KCNA3: variants seen among roughly 807,000 people sequenced by gnomAD.
KCNA3 encodes potassium voltage-gated channel subfamily A member 3.
Under a neutral mutation model 34.3 loss-of-function variants are expected in KCNA3, and 18 were observed. The observed-to-expected ratio is 0.52, with a 90% CI of 0.36 to 0.78. The LOEUF (loss-of-function observed/expected upper bound fraction) is 0.78. Ranked by LOEUF, KCNA3 falls within the 30% of genes least tolerant of loss-of-function variation. The probability of loss-of-function intolerance (pLI) is 0.00; values close to 1 mark genes in which losing one functional copy is unlikely to be tolerated. For synonymous variants in KCNA3, 324 were observed against 351.7 expected, an observed-to-expected ratio of 0.92 and a Z score of 0.88; for missense variants, 587 against 802.5, an observed-to-expected ratio of 0.73 and a Z score of 3.24.
chr1:110,659,747 A>G, the KCNA3 span, among the ~76,000 whole-genome samples: 1 of 152,192 alleles, frequency 6.6e-6, no homozygotes, highest in Non-Finnish European at 1.5e-5. Context: ...ATGGAATACT[A>G]TGCAGCCATA....
chr1:110,656,240 G>A, the KCNA3 span: 1 of 151,994 alleles, frequency 6.6e-6, no homozygotes, highest in Admixed American at 6.6e-5. Flanking sequence ...TTCTGTTTAG[G>A]TAATTCACTC....
chr1:110,674,130 G>T lies in KCNA3; in HGVS notation c.680C>A (p.Pro227His). ...QRQVWLLFEY[P>H]ESSGPARGIA... ...GCCCCGGGCCGGCCCGGAGCTCTCG[G>T]GGTACTCGAAGAGCAGCCACACCTG... Residue 227 changes from proline (P) to histidine (H), a missense_variant, in exon 1 of 1, where the codon CCC becomes CAC. Around this residue, in one of 7 missense-constraint regions of KCNA3, gnomAD observed 341 missense variants for 355.4 expected, o/e 0.96. Transcript: ENST00000369769. This position sits in a 1 kb window ranked among gnomAD's most constrained non-coding sequence, Gnocchi z 6.4. The T allele has an allele frequency of 6.2e-7, 1 of 1,612,560 alleles. No individual in the cohort carries two copies. Among genetic ancestry groups the T allele is most frequent in the Non-Finnish European group, 8.5e-7 (1 of 1,179,318 alleles).
At chr1:110,665,862 G>T in the KCNA3 span, among the ~76,000 whole-genome samples, 3 of 152,108 alleles carry the variant, frequency 2.0e-5, no homozygotes, top group Non-Finnish European at 4.4e-5. Flanking sequence ...TGAGAACTGA[G>T]AAATGACCAC....
At chr1:110,657,452 T>C in the KCNA3 span, among the ~76,000 whole-genome samples, 1 of 152,156 alleles carries the variant, frequency 6.6e-6, no homozygotes. Context: ...AATTCAAGCC[T>C]GCAAACTGAA....
the KCNA3 span, among the ~76,000 whole-genome samples, chr1:110,663,537 C>A: frequency 6.6e-6 from 1 of 152,268 alleles, no homozygotes; most frequent in African/African-American, 2.4e-5. Flanking sequence ...GGAGAAAATT[C>A]AAAAGGGGTG....
chr1:110,670,293 G>C (rs1274058349), downstream of KCNA3, among the ~76,000 whole-genome samples: 5 of 152,134 alleles, frequency 3.3e-5, no homozygotes. Context: ...ATATCCTTTA[G>C]GGAACTTACA....
At chr1:110,654,926 T>A in the KCNA3 span, 1 of 152,000 alleles carries the variant, frequency 6.6e-6, no homozygotes. Context: ...CATATAAAGA[T>A]TTTCAATGCT....
the KCNA3 span, chr1:110,654,862 A>C: frequency 6.6e-6 from 1 of 152,274 alleles, no homozygotes; most frequent in East Asian, 1.9e-4. Flanking sequence ...TAGTCATTTG[A>C]TCTTTCTAAA....
chr1:110,661,846 G>A, the KCNA3 span, among the ~76,000 whole-genome samples: 147 of 152,142 alleles, frequency 9.7e-4, no homozygotes, highest in African/African-American at 3.1e-3. Flanking sequence ...GGTGGCTCAC[G>A]CCTATAATCC....
At chr1:110,671,073 G>C (rs1399039562), downstream of KCNA3, among the ~76,000 whole-genome samples, 2 of 152,076 alleles carry the variant, frequency 1.3e-5, no homozygotes, top group African/African-American at 2.4e-5. Flanking sequence ...TCAAAGAACT[G>C]TACCACTGCA....
rs1403955958 is a variant in KCNA3 at position 110,674,927 on chromosome 1, C to T, written c.-118G>A. 2 of 1,233,256 alleles carry T rather than the reference C, an allele frequency of 1.6e-6. No homozygotes were observed. Among genetic ancestry groups the T allele is most frequent in the African/African-American group, 3.1e-5 (2 of 63,578 alleles). The allele number at this position is 1,233,256 out of a possible 1,614,324, so 76.4% of individuals were successfully genotyped here. On this transcript the variant is annotated 5_prime_UTR_variant, in exon 1 of 1. Transcript: ENST00000369769. The surrounding 1 kb of genome is among the most constrained non-coding windows in gnomAD (Gnocchi z 6.4). ...GCCTGTTGCAGCCAAAGCCGCGATGCTCTGTCTGGGTCTGGCGCGGTCAGC... is the reference window on the plus strand; with the variant it reads ...GCCTGTTGCAGCCAAAGCCGCGATGTTCTGTCTGGGTCTGGCGCGGTCAGC...
rs1417165602 is a variant in KCNA3, at chr1:110,673,922, G to C, written c.888C>G (p.Phe296Leu). 1 of 1,614,140 alleles carries C rather than the reference G, an allele frequency of 6.2e-7. No homozygotes were observed. Among genetic ancestry groups the C allele is most frequent in the Non-Finnish European group, 8.5e-7 (1 of 1,180,024 alleles). ...AGATGATGCACAGCGTCTCCACCAC[G>C]AAGAAGGGATCGGAGAAGCTGGAGG... ...AGASSFSDPFFVVETLCIIWF... is the reference protein window; with the variant it reads ...AGASSFSDPFLVVETLCIIWF... The change falls in exon 1 of 1, where the codon TTC (phenylalanine) becomes TTG (leucine). Residue 296 changes from phenylalanine to leucine, a missense_variant. Phe to Leu is a conservative substitution (Grantham distance 22). This residue lies in a region of KCNA3 where 84 missense variants were observed against 223.1 expected (regional missense o/e 0.38). Transcript: ENST00000369769. The surrounding 1 kb of genome is among the most constrained non-coding windows in gnomAD (Gnocchi z 8.8).
the KCNA3 span, among the ~76,000 whole-genome samples, chr1:110,658,735 A>C: frequency 6.6e-6 from 1 of 152,134 alleles, no homozygotes; most frequent in African/African-American, 2.4e-5. Flanking sequence ...ATATATCTTT[A>C]AGAATGTGCT....
At chr1:110,667,897 C>T (rs1263123336), downstream of KCNA3, among the ~76,000 whole-genome samples, 5 of 152,084 alleles carry the variant, frequency 3.3e-5, no homozygotes, top group South Asian at 1.0e-3. Context: ...TTATCATATG[C>T]TATATAGCAA....
Position 110,673,078 on chromosome 1 carries a change from C to G in KCNA3, c.*4G>C. On this transcript the variant is annotated 3_prime_UTR_variant, in exon 1 of 1. Coordinates refer to ENST00000369769, the MANE Select transcript of KCNA3 (RefSeq NM_002232.5). The surrounding 1 kb of genome is among the most constrained non-coding windows in gnomAD (Gnocchi z 8.8). Reference sequence around the variant, plus strand: ...TGAGCACAGCATGTCACTTGTATCACATATTAAACATCGGTGAATATCTTT... The same window carrying G: ...TGAGCACAGCATGTCACTTGTATCAGATATTAAACATCGGTGAATATCTTT... The G allele has an allele frequency of 6.2e-7, 1 of 1,602,216 alleles. No homozygotes were observed. The highest frequency in any genetic ancestry group is 1.3e-5 in the African/African-American group (1 of 74,966).
At chr1:110,669,933 A>T (rs1297846343), downstream of KCNA3, among the ~76,000 whole-genome samples, 1 of 152,180 alleles carries the variant, frequency 6.6e-6, no homozygotes, top group Non-Finnish European at 1.5e-5. Flanking sequence ...ATCACAATAT[A>T]ATCTCTTAGC....
chr1:110,673,207 C>A lies in KCNA3; in HGVS notation c.1603G>T (p.Gly535Trp), dbSNP rs747145696. 2 of 1,614,122 alleles carry A rather than the reference C, an allele frequency of 1.2e-6. No homozygotes were observed. Among genetic ancestry groups the A allele is most frequent in the Non-Finnish European group, 1.7e-6 (2 of 1,180,020 alleles). ...GGGAAAGCGCTATGGTTCATACCCC[C>A]CTCTTCGATCACCATATACTCCGAC... is the stretch of plus-strand genomic sequence containing the variant. ...SKSEYMVIEE[G>W]GMNHSAFPQT... Residue 535 changes from glycine (G) to tryptophan (W), a missense_variant, in exon 1 of 1, where the codon GGG becomes TGG. This residue lies in a region of KCNA3 where 95 missense variants were observed against 107.3 expected (regional missense o/e 0.89). Coordinates refer to ENST00000369769, the MANE Select transcript of KCNA3 (RefSeq NM_002232.5). This position sits in a 1 kb window ranked among gnomAD's most constrained non-coding sequence, Gnocchi z 8.8.
chr1:110,671,913 A>C (rs1651903252), downstream of KCNA3, among the ~76,000 whole-genome samples: 1 of 152,286 alleles, frequency 6.6e-6, no homozygotes, highest in South Asian at 2.1e-4. Flanking sequence ...TAACATTCCA[A>C]ACACCATATT....
At chr1:110,653,899 C>T in the KCNA3 span, 1 of 151,964 alleles carries the variant, frequency 6.6e-6, no homozygotes, top group Admixed American at 6.6e-5. Flanking sequence ...AAAAATAATG[C>T]TTGCTTATTT....
Sources: allele counts gnomAD v4.1 joint callset (sites outside exome capture counted in the v4.1 genomes callset), GRCh38; gene constraint gnomAD v4.1.1; regional missense constraint gnomAD v4.1.1; non-coding constraint Gnocchi (gnomAD v3.1); transcripts MANE v1.5; gene names NCBI Gene and HGNC (gene_info 2026-07-23, HGNC 2026-07-21).